PLCH1: variants seen among roughly 807,000 people sequenced by gnomAD.
The protein encoded by PLCH1 is phospholipase C eta 1, also known as 1-phosphatidylinositol 4,5-bisphosphate phosphodiesterase eta-1.
Under a neutral mutation model 126.7 loss-of-function variants are expected in PLCH1, and 60 were observed. The observed-to-expected ratio is 0.47, with a 90% CI of 0.38 to 0.59. The LOEUF (loss-of-function observed/expected upper bound fraction) is 0.59, where lower values mean the gene tolerates loss of function less well. PLCH1 is among the 20% of genes least tolerant of loss of function. The pLI is 0.00. For missense variants in PLCH1, 1,723 were observed against 2,040.0 expected (o/e 0.84, Z 2.99); for synonymous variants, 719 against 734.9 (o/e 0.98, Z 0.35).
intron 2 of PLCH1, among the ~76,000 whole-genome samples, chr3:155,620,465 A>T (rs1736326745): frequency 6.6e-6 from 1 of 152,212 alleles, no homozygotes; most frequent in Non-Finnish European, 1.5e-5. Context: ...ACAGGAAAAA[A>T]TGTCATGGAG....
downstream of PLCH1, among the ~76,000 whole-genome samples, chr3:155,476,029 T>G (rs1713531473): frequency 6.6e-6 from 1 of 152,018 alleles, no homozygotes; most frequent in Admixed American, 6.6e-5. Context: ...GACAGGCCAA[T>G]ATCTGTGATG....
chr3:155,615,030 A>G (rs1735609238), intron 2 of PLCH1, among the ~76,000 whole-genome samples: 2 of 152,208 alleles, frequency 1.3e-5, no homozygotes, highest in Admixed American at 6.5e-5. Context: ...TTCACAAACT[A>G]TGAATCCAAC....
At chr3:155,499,926 G>T (rs1717639380) in intron 14 of PLCH1, among the ~76,000 whole-genome samples, 1 of 152,118 alleles carries the variant, frequency 6.6e-6, no homozygotes, top group Non-Finnish European at 1.5e-5. Context: ...CAAATATAAA[G>T]TTTAATTGAA....
At position 155,482,473 on chromosome 3, in the gene PLCH1, C is replaced by T. The variant is rs774659345; in HGVS notation, c.3553G>A (p.Gly1185Ser). The T allele has an allele frequency of 1.9e-6, 3 of 1,614,036 alleles. No homozygotes were observed. Among genetic ancestry groups the T allele is most frequent in the Non-Finnish European group, 2.5e-6 (3 of 1,180,002 alleles). The change falls in exon 23 of 23, where the codon GGC becomes AGC. Residue 1185 changes from glycine (G) to serine (S), a missense_variant. Gly to Ser is a moderately conservative substitution (Grantham distance 56). Coordinates refer to ENST00000460012, the MANE Select transcript of PLCH1 (RefSeq NM_014996.4). ...NVTLTNENEP[G>S]SSISALIGQF... Reference sequence around the variant, plus strand: ...CCAATCAGGGCTGAGATGGAACTGCCCGGCTCATTCTCATTTGTTAAAGTG... The same window carrying T: ...CCAATCAGGGCTGAGATGGAACTGCTCGGCTCATTCTCATTTGTTAAAGTG...
chr3:155,662,054 G>A (rs1251706003), intron 2 of PLCH1, among the ~76,000 whole-genome samples: 1 of 152,106 alleles, frequency 6.6e-6, no homozygotes, highest in Admixed American at 6.5e-5. Flanking sequence ...TTCTGGTTAG[G>A]GGCCCATCAC....
intron 10 of PLCH1, among the ~76,000 whole-genome samples, chr3:155,548,017 T>C (rs1251250797): frequency 1.3e-5 from 2 of 152,062 alleles, no homozygotes; most frequent in Admixed American, 6.5e-5. Context: ...TGTGGACATA[T>C]ACCCTAAAAC....
At chr3:155,730,880 G>C (rs1257693215) in intron 1 of PLCH1, among the ~76,000 whole-genome samples, 1 of 152,172 alleles carries the variant, frequency 6.6e-6, no homozygotes, top group Non-Finnish European at 1.5e-5. Context: ...AGAAGATGGA[G>C]GTGAATAATG....
chr3:155,543,258 C>T (rs559292626), intron 10 of PLCH1, among the ~76,000 whole-genome samples: 10 of 151,970 alleles, frequency 6.6e-5, no homozygotes, highest in Non-Finnish European at 7.4e-5. Context: ...CCTCAGGAGC[C>T]GATGCAATCA....
chr3:155,610,356 C>T (rs1358221961), intron 2 of PLCH1, among the ~76,000 whole-genome samples: 28 of 97,724 alleles, frequency 2.9e-4, no homozygotes, highest in Non-Finnish European at 4.0e-4. Flanking sequence ...AGCAAAACTG[C>T]GTCTGGAGAA....
intron 12 of PLCH1, 70 bp downstream of exon 12, chr3:155,514,653 T>C: frequency 2.9e-6 from 3 of 1,049,264 alleles, no homozygotes; most frequent in South Asian, 5.8e-5. Flanking sequence ...ATTTCACAAA[T>C]GATTAGAAAC....
chr3:155,471,993 C>A (rs574044624), intron 21 of PLCH1, among the ~76,000 whole-genome samples: 5 of 152,216 alleles, frequency 3.3e-5, no homozygotes, highest in Admixed American at 3.3e-4. Context: ...CCAAAATTGA[C>A]ACCCCAACAT....
chr3:155,708,236 G>T (rs1016674188), intron 1 of PLCH1, among the ~76,000 whole-genome samples: 1 of 152,108 alleles, frequency 6.6e-6, no homozygotes, highest in African/African-American at 2.4e-5. Context: ...CTCTCCCTTC[G>T]GCCTTCAGAT....
At chr3:155,629,903 G>T (rs1235204071) in intron 2 of PLCH1, among the ~76,000 whole-genome samples, 2 of 152,198 alleles carry the variant, frequency 1.3e-5, no homozygotes, top group South Asian at 2.1e-4. Context: ...TCTCAGCTAT[G>T]TGTATGCCTT....
intron 8 of PLCH1, among the ~76,000 whole-genome samples, chr3:155,555,666 TG>T (rs901381229): frequency 7.5e-4 from 115 of 152,346 alleles, no homozygotes; most frequent in African/African-American, 2.7e-3. Flanking sequence ...CTTGTTCTTC[TG>T]GTTAGGCAAA....
At chr3:155,527,483 G>A (rs1005038905) in intron 10 of PLCH1, among the ~76,000 whole-genome samples, 1 of 152,142 alleles carries the variant, frequency 6.6e-6, no homozygotes, top group South Asian at 2.1e-4. Context: ...TCTTGACCTT[G>A]AGTCCTTATC....
At position 155,744,848 on chromosome 3, in the gene PLCH1, C is replaced by T. The variant is rs1749873083; in HGVS notation, c.-49G>A. 2 of 152,532 alleles carry T rather than the reference C, an allele frequency of 1.3e-5. No homozygotes were observed. The highest frequency in any genetic ancestry group is 4.1e-4 in the South Asian group (2 of 4,836). 9.4% of individuals were successfully genotyped at this position (152,532 alleles called of 1,614,324 possible). ...CCCCCGAAAGCACTGACCTCCTCAGCTTTGAGTGTTCAGTAGCTGAAGGAC... is the reference window on the plus strand; with the variant it reads ...CCCCCGAAAGCACTGACCTCCTCAGTTTTGAGTGTTCAGTAGCTGAAGGAC... On this transcript the variant is annotated 5_prime_UTR_variant, in exon 1 of 23. Transcript: ENST00000460012.
At chr3:155,623,283 A>G (rs1308072908) in intron 2 of PLCH1, among the ~76,000 whole-genome samples, 1 of 152,246 alleles carries the variant, frequency 6.6e-6, no homozygotes, top group Non-Finnish European at 1.5e-5. Flanking sequence ...TACAGCATGA[A>G]ATGCCTACAA....
chr3:155,712,286 A>G (rs1412018719), intron 1 of PLCH1, among the ~76,000 whole-genome samples: 1 of 152,236 alleles, frequency 6.6e-6, no homozygotes, highest in Admixed American at 6.5e-5. Flanking sequence ...GGCTTTCCCT[A>G]GGGATGTGAT....
chr3:155,480,354 C>T lies in PLCH1; in HGVS notation c.*614G>A, dbSNP rs1205259156. On this transcript the variant is annotated 3_prime_UTR_variant, in exon 23 of 23. Coordinates refer to ENST00000460012, the MANE Select transcript of PLCH1 (RefSeq NM_014996.4). Reference sequence around the variant, plus strand: ...ACAAAAGACAGCCTTCTTCCTCACACCCTCACGGCCTATTCCAAAAAGTGG... The same window carrying T: ...ACAAAAGACAGCCTTCTTCCTCACATCCTCACGGCCTATTCCAAAAAGTGG... 6.6e-6 allele frequency: 1 copy of T among 152,634 alleles called. No individual in the cohort carries two copies. The highest frequency in any genetic ancestry group is 1.5e-5 in the Non-Finnish European group (1 of 68,062). The allele number at this position is 152,634 out of a possible 1,614,324, so 9.5% of individuals were successfully genotyped here.
Sources: allele counts gnomAD v4.1 joint callset (sites outside exome capture counted in the v4.1 genomes callset), GRCh38; gene constraint gnomAD v4.1.1; transcripts MANE v1.5; gene names NCBI Gene and HGNC (gene_info 2026-07-23, HGNC 2026-07-21).